Variants in RUNX1T1 observed in about 807,000 individuals in gnomAD.
RUNX1T1 encodes protein CBFA2T1.
Under a neutral mutation model 62.8 loss-of-function variants are expected in RUNX1T1, and 4 were observed. The observed-to-expected ratio is 0.06, with a 90% confidence interval of 0.03 to 0.15. RUNX1T1 has a LOEUF of 0.15. Among genes scored for constraint, RUNX1T1 ranks in the 10% least tolerant of loss-of-function variants. The probability of loss-of-function intolerance (pLI) is 1.00; values close to 1 mark genes in which losing one functional copy is unlikely to be tolerated. For synonymous variants in RUNX1T1, 291 were observed against 286.0 expected (o/e 1.02, Z -0.18); for missense variants, 508 against 754.3 (o/e 0.67, Z 3.82).
At chr8:92,103,282 C>G (rs1420637908), upstream of RUNX1T1, 7 of 227,448 alleles carry the variant, frequency 3.1e-5, no homozygotes, top group African/African-American at 1.3e-4. Flanking sequence ...CCCTCGCCCG[C>G]CCTCGCTCAC....
At chr8:92,067,967 T>C (rs1009814538) in intron 2 of RUNX1T1, among the ~76,000 whole-genome samples, 11 of 152,208 alleles carry the variant, frequency 7.2e-5, no homozygotes, top group African/African-American at 2.7e-4. Flanking sequence ...TAAACACAAA[T>C]TTTAAACATA....
intron 2 of RUNX1T1, among the ~76,000 whole-genome samples, chr8:92,074,645 C>G (rs1180914201): frequency 6.6e-6 from 1 of 152,124 alleles, no homozygotes; most frequent in Admixed American, 6.5e-5. Flanking sequence ...TTCTTTTTCT[C>G]TATGCAAGAC....
chr8:92,002,429 C>T lies in RUNX1T1; in HGVS notation c.659+2687G>A, dbSNP rs181484886. 2.1e-3 allele frequency among the ~76,000 whole-genome samples: 321 copies of T among 152,076 alleles called. 1 individual carries two copies. The highest frequency in any genetic ancestry group is 2.9e-3 in the Non-Finnish European group (198 of 67,958). On this transcript the variant is annotated intron_variant, in intron 5 of 10. Transcript: ENST00000396218. ...AATGTTTAAAGAAAAAAAACATAAC[C>T]AGTGACAATCATATTTAAGGACAAG...
intron 2 of RUNX1T1, among the ~76,000 whole-genome samples, chr8:92,073,615 C>A (rs1261861915): frequency 1.3e-5 from 2 of 152,150 alleles, no homozygotes; most frequent in African/African-American, 4.8e-5. Context: ...TTCCCAACTT[C>A]TTGAGTTTGA....
At chr8:91,957,955 C>T (rs1809616053), downstream of RUNX1T1, 1 of 220,276 alleles carries the variant, frequency 4.5e-6, no homozygotes, top group South Asian at 1.9e-4. Flanking sequence ...AAATTAAAAC[C>T]AACTTGTATA....
chr8:92,053,752 G>A (rs1420895557), intron 1 of RUNX1T1, among the ~76,000 whole-genome samples: 1 of 151,954 alleles, frequency 6.6e-6, no homozygotes, highest in Non-Finnish European at 1.5e-5. Flanking sequence ...ATCTCTGTGA[G>A]TCCCAGTCTA....
chr8:92,052,084 C>T (rs548678511), intron 1 of RUNX1T1, among the ~76,000 whole-genome samples: 12 of 152,144 alleles, frequency 7.9e-5, no homozygotes, highest in African/African-American at 2.9e-4. Context: ...GAAGGCCTAC[C>T]AAGCACAAAA....
chr8:92,038,972 T>C (rs762543071), intron 1 of RUNX1T1, among the ~76,000 whole-genome samples: 15 of 152,086 alleles, frequency 9.9e-5, no homozygotes, highest in Admixed American at 4.6e-4. Context: ...CTCCCCTTTA[T>C]TGTAGACTAT....
downstream of RUNX1T1, chr8:91,957,565 C>A (rs962591942): frequency 1.7e-5 from 4 of 231,264 alleles, no homozygotes; most frequent in Non-Finnish European, 3.4e-5. Context: ...ACGTACTGTA[C>A]TAATCCTTAT....
chr8:92,017,227 C>T (rs376480668), exon 2 of RUNX1T1: 23 of 1,600,834 alleles, frequency 1.4e-5, no homozygotes, highest in Admixed American at 1.0e-4. Context: ...ACTACTTACA[C>T]GTTGTCGGTG....
chr8:92,095,507 A>G, intron 1 of RUNX1T1: 1 of 1,513,910 alleles, frequency 6.6e-7, no homozygotes, highest in African/African-American at 1.4e-5. Context: ...GGGAGAGGAG[A>G]GAAGCCAACG....
At chr8:92,072,337 A>C (rs1454144581) in intron 2 of RUNX1T1, among the ~76,000 whole-genome samples, 2 of 152,220 alleles carry the variant, frequency 1.3e-5, no homozygotes, top group Non-Finnish European at 1.5e-5. Flanking sequence ...TTCACCAAAA[A>C]TTTTATTTAA....
chr8:92,088,171 A>AG (rs1836421557), intron 1 of RUNX1T1, among the ~76,000 whole-genome samples: 1 of 152,250 alleles, frequency 6.6e-6, no homozygotes, highest in South Asian at 2.1e-4. Context: ...GAATCCCAGC[A>AG]GTCACTTAAA....
rs776704173 is a variant in RUNX1T1 at position 92,014,830 on chromosome 8, G to A, written c.146-10C>T. ...CTCGTGCCATTAGTTACTGTCAAGA[G>A]CACAAAATCAGAAGGAAGTCATAAA... is the stretch of plus-strand genomic sequence containing the variant. On this transcript the variant is annotated splice_polypyrimidine_tract_variant and intron_variant, in intron 2 of 10. Coordinates refer to ENST00000396218, the Ensembl canonical transcript of RUNX1T1. 1.3e-6 allele frequency: 2 copies of A among 1,588,144 alleles called. No individual in the cohort carries two copies. The highest frequency in any genetic ancestry group is 2.3e-5 in the East Asian group (1 of 44,166).
At chr8:91,959,635 GA>G (rs1006756231) in exon 11 of RUNX1T1, 2 of 224,348 alleles carry the variant, frequency 8.9e-6, no homozygotes, top group Non-Finnish European at 8.9e-6. Context: ...TCAGAAACAG[GA>G]AAAAAACCGA....
At chr8:92,073,353 G>A (rs962091199) in intron 2 of RUNX1T1, among the ~76,000 whole-genome samples, 3 of 152,094 alleles carry the variant, frequency 2.0e-5, no homozygotes, top group African/African-American at 7.2e-5. Context: ...TACCCCTTTA[G>A]TATCATTTCC....
chr8:92,015,325 C>T (rs554007868), intron 2 of RUNX1T1, among the ~76,000 whole-genome samples: 1 of 152,260 alleles, frequency 6.6e-6, no homozygotes, highest in African/African-American at 2.4e-5. Flanking sequence ...CAAGTTTTAA[C>T]CTTCCACCAC....
chr8:91,986,997 A>T (rs746384458), intron 6 of RUNX1T1, 25 bp from the exon 8 acceptor site: 17 of 1,474,616 alleles, frequency 1.2e-5, no homozygotes, highest in Non-Finnish European at 1.6e-5. Flanking sequence ...AAGGCTGAAT[A>T]ACCCTAAAGC....
chr8:92,050,797 T>C (rs1276264884), intron 1 of RUNX1T1, among the ~76,000 whole-genome samples: 1 of 152,184 alleles, frequency 6.6e-6, no homozygotes, highest in Non-Finnish European at 1.5e-5. Context: ...ATCATGTCAC[T>C]TCCTAGCTTA....
Sources: gnomAD v4.1 joint callset for allele counts (sites outside exome capture counted in the v4.1 genomes callset) on GRCh38, gnomAD v4.1.1 for gene constraint, MANE v1.5 for transcripts, NCBI Gene and HGNC (gene_info 2026-07-23, HGNC 2026-07-21) for gene names.